Variants in ASB14 observed in about 807,000 individuals in gnomAD.
ASB14 encodes ankyrin repeat and SOCS box protein 14.
A neutral mutation model predicts 55.6 loss-of-function variants in ASB14; 63 were observed. The observed-to-expected ratio is 1.13, with a 90% confidence interval of 0.92 to 1.40. ASB14 has a LOEUF of 1.40. ASB14 is among the 40% of genes most tolerant of loss of function. The pLI, the probability that ASB14 is intolerant of heterozygous loss-of-function variation, is 0.00. For synonymous variants in ASB14, 256 were observed against 259.9 expected (o/e 0.98, Z 0.15); for missense variants, 724 against 710.4 (o/e 1.02, Z -0.22).
At chr3:57,284,122 G>GTGTGTGTA (rs945228754) in intron 5 of ASB14, among the ~76,000 whole-genome samples, 1 of 150,706 alleles carries the variant, frequency 6.6e-6, no homozygotes, top group Non-Finnish European at 1.5e-5. Flanking sequence ...GTGTGTGTGT[G>GTGTGTGTA]TGTATGTATG....
At chr3:57,285,685 A>G (rs561590425) in intron 5 of ASB14, among the ~76,000 whole-genome samples, 1 of 152,122 alleles carries the variant, frequency 6.6e-6, no homozygotes, top group South Asian at 2.1e-4. Context: ...TTTCCAATTT[A>G]TCATTAATTC....
chr3:57,269,939 C>T (rs956561986), intron 10 of ASB14: 6 of 284,932 alleles, frequency 2.1e-5, no homozygotes, highest in Admixed American at 1.0e-4. Flanking sequence ...AAGCAGACTG[C>T]TGAGGAATTA....
chr3:57,274,587 T>C (rs1332197484), intron 10 of ASB14, among the ~76,000 whole-genome samples: 4 of 152,118 alleles, frequency 2.6e-5, no homozygotes, highest in Non-Finnish European at 4.4e-5. Flanking sequence ...CTCGGGAGGC[T>C]GAGACATGAG....
chr3:57,269,564 G>A lies in ASB14; in HGVS notation c.*77C>T. 1 of 1,614,028 alleles carries A rather than the reference G, an allele frequency of 6.2e-7. No homozygotes were observed. Among genetic ancestry groups the A allele is most frequent in the Non-Finnish European group, 8.5e-7 (1 of 1,179,972 alleles). ...AGGACTTGGAAGAACAAAGTCGGTTGATAGCTGCTTCCAGTAGACCAAACC... is the reference window on the plus strand; with the variant it reads ...AGGACTTGGAAGAACAAAGTCGGTTAATAGCTGCTTCCAGTAGACCAAACC... On this transcript the variant is annotated 3_prime_UTR_variant, in exon 11 of 11. Transcript: ENST00000487349.
intron 5 of ASB14, 104 bp downstream of exon 5, chr3:57,287,797 G>T: frequency 8.0e-7 from 1 of 1,253,914 alleles, no homozygotes; most frequent in Non-Finnish European, 1.1e-6. Context: ...GTTGGGAACA[G>T]AGTGACAGTG....
Position 57,283,311 on chromosome 3 carries a change from TCACCATGTCCTCTCTGCC to T in ASB14, c.580_597del (p.Gly194_Val199del). The T allele has an allele frequency of 6.4e-7, 1 of 1,551,830 alleles. No homozygotes were observed. The highest frequency in any genetic ancestry group is 2.4e-5 in the East Asian group (1 of 40,906). ...TGTGCCCCAGAAACCAGCATAAGCT[TCACCATGTCCTCTCTGCC>T]CAGTTTGGCTGCTTCGTGGAGAGCT... On this transcript the variant is annotated inframe_deletion, in exon 6 of 11. Coordinates refer to ENST00000487349, the MANE Select transcript of ASB14 (RefSeq NM_001142733.3).
At chr3:57,285,222 T>C (rs2061072275) in intron 5 of ASB14, among the ~76,000 whole-genome samples, 1 of 152,160 alleles carries the variant, frequency 6.6e-6, no homozygotes, top group Non-Finnish European at 1.5e-5. Context: ...ATTACAGGTG[T>C]GAACTACCGT....
At position 57,289,131 on chromosome 3, in the gene ASB14, G is replaced by GA. The variant is rs2061108016; in HGVS notation, c.123-9dup. ...CTCAAAAAGGAATGCAAACTGCAAAGAAAAAAATACATATGTAATTCCAAA... is the reference window on the plus strand; with the variant it reads ...CTCAAAAAGGAATGCAAACTGCAAAGAAAAAAAATACATATGTAATTCCAAA... On this transcript the variant is annotated splice_polypyrimidine_tract_variant and intron_variant, in intron 2 of 10. Coordinates refer to ENST00000487349, the MANE Select transcript of ASB14 (RefSeq NM_001142733.3). 7.9e-6 allele frequency: 12 copies of GA among 1,514,118 alleles called. No individual in the cohort carries two copies. The East Asian group carries it at 2.2e-4, about 28-fold the overall frequency. 93.8% of individuals were successfully genotyped at this position (1,514,118 alleles called of 1,614,324 possible). A position where few individuals can be genotyped will look rare whatever the true frequency, so the allele number is the denominator to read the frequency against.
At chr3:57,280,625 C>T (rs2061032743) in intron 6 of ASB14, among the ~76,000 whole-genome samples, 152 bp from the exon 7 acceptor site, 2 of 152,182 alleles carry the variant, frequency 1.3e-5, no homozygotes, top group Admixed American at 1.3e-4. Flanking sequence ...TATATACCTC[C>T]TGCTCTCAAG....
chr3:57,272,236 G>A lies in ASB14; in HGVS notation c.*23-2618C>T, dbSNP rs535596618. On this transcript the variant is annotated intron_variant, in intron 10 of 10. Coordinates refer to ENST00000487349, the MANE Select transcript of ASB14 (RefSeq NM_001142733.3). The stretch of plus-strand genomic sequence containing the variant: ...ACTATGGCAATGAAGTCAGTAGATA[G>A]GAAACCAGTTATTCCTTCTACCTTT... 2.0e-5 allele frequency: 3 copies of A among 152,302 alleles called. 1 individual carries two copies. The South Asian group carries it at 6.2e-4, about 32-fold the overall frequency. 9.4% of individuals were successfully genotyped at this position (152,302 alleles called of 1,614,324 possible).
At chr3:57,277,092 C>T (rs2060995099) in intron 9 of ASB14, among the ~76,000 whole-genome samples, 1 of 151,914 alleles carries the variant, frequency 6.6e-6, no homozygotes, top group Non-Finnish European at 1.5e-5. Flanking sequence ...ATGGTGAAAC[C>T]CCGTCTCTAT....
rs767628186 is a variant in ASB14, at chr3:57,269,507, A to G, written c.*134T>C. The G allele has an allele frequency of 1.2e-5, 20 of 1,609,094 alleles. No individual in the cohort carries two copies. Among genetic ancestry groups the G allele is most frequent in the Middle Eastern group, 3.3e-4 (2 of 6,028 alleles). On this transcript the variant is annotated 3_prime_UTR_variant, in exon 11 of 11. Transcript: ENST00000487349. ...ATAATTTGCCATTTGACTGCAGACA[A>G]GTAACTTAGTTTCTTTTTTGTCTTT...
In ASB14 at chr3:57,287,971, G is replaced by A; in HGVS notation, c.399C>T (p.Ala133=). 2.0e-6 allele frequency: 3 copies of A among 1,537,262 alleles called. No individual in the cohort carries two copies. The highest frequency in any genetic ancestry group is 2.6e-6 in the Non-Finnish European group (3 of 1,146,904). ...LAVSSCLLEN[A]TFLLLNGCNP... is the part of the protein sequence containing the mutation. ...TGCAGCCATTGAGAAGAAGAAAAGT[G>A]GCATTTTCTAAGAGGCAACTGCTGA... Residue 133 remains alanine, a synonymous_variant, in exon 5 of 11, where the codon GCC becomes GCT. Transcript: ENST00000487349.
At chr3:57,276,305 G>A (rs2060986157) in intron 10 of ASB14, among the ~76,000 whole-genome samples, 1 of 150,534 alleles carries the variant, frequency 6.6e-6, no homozygotes, top group Admixed American at 6.6e-5. Flanking sequence ...TTCTTTTAGA[G>A]ATGGGGTCTT....
In ASB14 at chr3:57,291,956, A is replaced by G. The variant is rs1341743617; in HGVS notation, c.78T>C (p.Asp26=). 8.5e-6 allele frequency: 13 copies of G among 1,536,622 alleles called. No individual in the cohort carries two copies. Among genetic ancestry groups the G allele is most frequent in the African/African-American group, 1.4e-5 (1 of 73,004 alleles). Residue 26 remains aspartate, a synonymous_variant, in exon 2 of 11, where the codon GAT becomes GAC. Transcript: ENST00000487349. The part of the protein sequence containing the change: ...TQLIIQQSLQ[D]IYKPGTAQHA... ...GTTGTGCTGTTCCTGGCTTATAAAT[A>G]TCCTGCAAACTCTGTTGAATGATGA...
rs139290425 is a variant in ASB14, at chr3:57,269,109, T to C, written c.*532A>G. 1.0e-3 allele frequency: 161 copies of C among 159,082 alleles called. 1 individual carries two copies. The highest frequency in any genetic ancestry group is 3.6e-3 in the African/African-American group (150 of 41,574). 9.9% of individuals were successfully genotyped at this position (159,082 alleles called of 1,614,324 possible). A position where few individuals can be genotyped will look rare whatever the true frequency, so the allele number is the denominator to read the frequency against. On this transcript the variant is annotated 3_prime_UTR_variant, in exon 11 of 11. Transcript: ENST00000487349. Reference sequence around the variant, plus strand: ...GAAGAGGGAAGTGGCAAAGATGACATTGAAGTGAGGCTTTCTTGATAGGCG... The same window carrying C: ...GAAGAGGGAAGTGGCAAAGATGACACTGAAGTGAGGCTTTCTTGATAGGCG...
At chr3:57,278,200 C>G (rs543955885) in intron 8 of ASB14, among the ~76,000 whole-genome samples, 177 bp downstream of exon 8, 1 of 152,208 alleles carries the variant, frequency 6.6e-6, no homozygotes, top group East Asian at 1.9e-4. Flanking sequence ...GTTTTTGTTC[C>G]TGTTGTATCT....
intron 8 of ASB14, among the ~76,000 whole-genome samples, 159 bp downstream of exon 8, chr3:57,278,218 A>G (rs1427862895): frequency 2.0e-5 from 3 of 152,100 alleles, no homozygotes; most frequent in Admixed American, 6.5e-5. Flanking sequence ...TCTTTCTACT[A>G]TTGTGTTTAT....
intron 10 of ASB14, chr3:57,269,838 C>A: frequency 2.2e-6 from 2 of 892,188 alleles, no homozygotes; most frequent in Non-Finnish European, 1.7e-6. Context: ...AAAGATTGAA[C>A]TTGATGACTT....
Sources: allele counts gnomAD v4.1 joint callset (sites outside exome capture counted in the v4.1 genomes callset), GRCh38; gene constraint gnomAD v4.1.1; transcripts MANE v1.5; gene names NCBI Gene and HGNC (gene_info 2026-07-23, HGNC 2026-07-21).